RUNX1: variants seen among roughly 807,000 people sequenced by gnomAD.
RUNX1 encodes the protein runt-related transcription factor 1.
RUNX1 carries 19 observed loss-of-function variants against 42.8 expected under a neutral mutation model. The ratio of observed to expected loss-of-function variants is 0.44; its 90% CI spans 0.31 to 0.65. The LOEUF is 0.65. Among genes scored for constraint, RUNX1 ranks in the 30% least tolerant of loss-of-function variants. RUNX1 has a pLI of 0.07. For missense variants in RUNX1, 528 were observed against 672.0 expected (o/e 0.79, Z 2.37); for synonymous variants, 271 against 289.4 (o/e 0.94, Z 0.64).
intron 8 of RUNX1, among the ~76,000 whole-genome samples, chr21:34,797,795 C>G (rs2056550848): frequency 6.6e-6 from 1 of 152,140 alleles, no homozygotes; most frequent in Admixed American, 6.5e-5. Flanking sequence ...ACTGTACCAC[C>G]CAAGAACACT....
At chr21:35,003,957 T>C (rs1405162561) in intron 2 of RUNX1, among the ~76,000 whole-genome samples, 1 of 152,228 alleles carries the variant, frequency 6.6e-6, no homozygotes, top group East Asian at 1.9e-4. Flanking sequence ...ACCTTCCAAT[T>C]CTACTTATCT....
rs1001479854 is a variant in RUNX1 at position 35,046,499 on chromosome 21, C to T, written c.58+2343G>A. Among the ~76,000 whole-genome samples, 59 of 152,298 alleles carry T rather than the reference C, an allele frequency of 3.9e-4. 1 individual carries two copies. Among genetic ancestry groups the T allele is most frequent in the African/African-American group, 1.3e-3 (56 of 41,552 alleles). ...TAAATTATAGGCAGCCAGAAGTGAC[C>T]GCATTGACCACTGCGAGTGGCCCAG... On this transcript the variant is annotated intron_variant, in intron 2 of 8. Transcript: ENST00000675419.
intron 2 of RUNX1, among the ~76,000 whole-genome samples, chr21:35,019,391 C>T (rs1258180885): frequency 6.6e-6 from 1 of 152,178 alleles, no homozygotes; most frequent in Non-Finnish European, 1.5e-5. Flanking sequence ...ATTCTCCCCA[C>T]CTATTCCACA....
At chr21:34,904,428 C>A (rs1032292632) in intron 2 of RUNX1, among the ~76,000 whole-genome samples, 1 of 152,066 alleles carries the variant, frequency 6.6e-6, no homozygotes, top group Non-Finnish European at 1.5e-5. Flanking sequence ...TAGAAACATA[C>A]AAACAACACT....
At chr21:34,977,111 G>A (rs1358869146) in intron 2 of RUNX1, among the ~76,000 whole-genome samples, 1 of 152,138 alleles carries the variant, frequency 6.6e-6, no homozygotes, top group Non-Finnish European at 1.5e-5. Context: ...GTTGTGTTTT[G>A]TTGTTGCTGC....
intron 2 of RUNX1, among the ~76,000 whole-genome samples, chr21:34,917,506 G>T (rs2058320607): frequency 6.6e-6 from 1 of 152,230 alleles, no homozygotes; most frequent in Non-Finnish European, 1.5e-5. Context: ...GACAGTAAGA[G>T]AAATGCTGAC....
At chr21:34,919,894 C>T (rs959911585) in intron 2 of RUNX1, among the ~76,000 whole-genome samples, 1 of 152,188 alleles carries the variant, frequency 6.6e-6, no homozygotes, top group Admixed American at 6.5e-5. Context: ...TTGAAACATA[C>T]TGGAGTAGGT....
At chr21:34,873,305 C>T (rs2057766624) in intron 5 of RUNX1, among the ~76,000 whole-genome samples, 1 of 152,148 alleles carries the variant, frequency 6.6e-6, no homozygotes, top group Non-Finnish European at 1.5e-5. Flanking sequence ...CAATTAGGGC[C>T]ATACACCACC....
chr21:35,022,855 A>G (rs992247201), intron 2 of RUNX1, among the ~76,000 whole-genome samples: 10 of 148,978 alleles, frequency 6.7e-5, no homozygotes, highest in African/African-American at 2.5e-4. Flanking sequence ...AGATCGCGCC[A>G]GTGCACTCCA....
chr21:34,794,591 G>T (rs7280943), intron 8 of RUNX1, among the ~76,000 whole-genome samples: 15 of 152,218 alleles, frequency 9.9e-5, no homozygotes, highest in African/African-American at 3.1e-4. Flanking sequence ...ATTTTGTTAG[G>T]ATTATGGATT....
intron 6 of RUNX1, among the ~76,000 whole-genome samples, chr21:34,835,833 G>A (rs1432311101): frequency 2.0e-5 from 3 of 152,166 alleles, no homozygotes; most frequent in Non-Finnish European, 4.4e-5. Context: ...TCCTAGACTA[G>A]AAAGAGGCCC....
chr21:34,891,418 C>T (rs1167271599), intron 3 of RUNX1, among the ~76,000 whole-genome samples: 1 of 152,140 alleles, frequency 6.6e-6, no homozygotes, highest in Non-Finnish European at 1.5e-5. Context: ...AGAAACAGAC[C>T]AACCTCTGCC....
chr21:34,918,420 T>A lies in RUNX1; in HGVS notation c.59-25457A>T, dbSNP rs575159036. On this transcript the variant is annotated intron_variant, in intron 2 of 8. Transcript: ENST00000675419. ...ACACTGGTACCCAGTGAAATAGTCA[T>A]CCCCCCTTGCAAGGGTTATGTGGAA... Among the ~76,000 whole-genome samples, 5 of 152,184 alleles carry A rather than the reference T, an allele frequency of 3.3e-5. No homozygotes were observed. In the South Asian group the frequency reaches 1.0e-3, roughly 32 times the overall value.
At chr21:35,012,221 A>G (rs2059131133) in intron 2 of RUNX1, among the ~76,000 whole-genome samples, 2 of 152,200 alleles carry the variant, frequency 1.3e-5, no homozygotes, top group South Asian at 4.1e-4. Flanking sequence ...CTCCAAGAGT[A>G]CAGGTTAGTT....
chr21:34,998,225 G>C (rs1397585229), intron 2 of RUNX1, among the ~76,000 whole-genome samples: 1 of 152,146 alleles, frequency 6.6e-6, no homozygotes, highest in Non-Finnish European at 1.5e-5. Flanking sequence ...GCTGGGAGAG[G>C]GGATGAAGAG....
intron 2 of RUNX1, among the ~76,000 whole-genome samples, chr21:35,046,871 C>A (rs140728216): frequency 3.3e-5 from 5 of 152,136 alleles, no homozygotes; most frequent in African/African-American, 9.6e-5. Context: ...CCTTTTGAGT[C>A]TTGGTGCGAG....
chr21:34,933,767 G>A (rs1347604462), intron 2 of RUNX1, among the ~76,000 whole-genome samples: 2 of 152,206 alleles, frequency 1.3e-5, no homozygotes, highest in Non-Finnish European at 2.9e-5. Flanking sequence ...CAGTGCCTGG[G>A]AGTTTGTCTT....
At chr21:34,844,776 C>T (rs1276989089) in intron 6 of RUNX1, among the ~76,000 whole-genome samples, 1 of 152,226 alleles carries the variant, frequency 6.6e-6, no homozygotes, top group Non-Finnish European at 1.5e-5. Flanking sequence ...AGCAGGGGAA[C>T]AGCATCTGAC....
intron 2 of RUNX1, among the ~76,000 whole-genome samples, chr21:34,978,763 G>C (rs143521639): frequency 6.6e-6 from 1 of 152,100 alleles, no homozygotes; most frequent in Non-Finnish European, 1.5e-5. Flanking sequence ...GTTTCTGCCA[G>C]TTCTACTGAT....
Sources: allele counts gnomAD v4.1 joint callset (sites outside exome capture counted in the v4.1 genomes callset), GRCh38; gene constraint gnomAD v4.1.1; transcripts MANE v1.5; gene names NCBI Gene and HGNC (gene_info 2026-07-23, HGNC 2026-07-21).